Variants in LRRTM4 observed in about 807,000 individuals in gnomAD.
LRRTM4 encodes the protein leucine rich repeat transmembrane neuronal 4, also known as leucine-rich repeat transmembrane neuronal protein 4.
LRRTM4 carries 25 observed loss-of-function variants against 47.6 expected under a neutral mutation model. That is an observed-to-expected ratio of 0.53 (90% CI 0.38 to 0.73). The LOEUF is 0.73. Among genes scored for constraint, LRRTM4 ranks in the 30% least tolerant of loss-of-function variants. LRRTM4 has a pLI of 0.00. For synonymous variants in LRRTM4, 311 were observed against 269.5 expected, an observed-to-expected ratio of 1.15 and a Z score of -1.51; for missense variants, 638 against 713.4, an observed-to-expected ratio of 0.89 and a Z score of 1.20.
At chr2:77,448,906 C>T (rs1421319907) in intron 3 of LRRTM4, among the ~76,000 whole-genome samples, 1 of 152,104 alleles carries the variant, frequency 6.6e-6, no homozygotes, top group Non-Finnish European at 1.5e-5. Context: ...TGGAAAGTGG[C>T]CAGTTTAAAC....
At chr2:77,366,729 C>G in intron 3 of LRRTM4, among the ~76,000 whole-genome samples, 1 of 151,726 alleles carries the variant, frequency 6.6e-6, no homozygotes, top group Admixed American at 6.6e-5. Flanking sequence ...ATTTGTTTAC[C>G]TCACACATTT....
At chr2:77,250,884 A>G (rs957467272) in intron 3 of LRRTM4, among the ~76,000 whole-genome samples, 22 of 152,170 alleles carry the variant, frequency 1.4e-4, no homozygotes, top group African/African-American at 5.3e-4. Flanking sequence ...AGGGCAGATC[A>G]CCTGAGGTGG....
At position 77,083,051 on chromosome 2, in the gene LRRTM4, A is replaced by G. The variant is rs189063153; in HGVS notation, c.1552-334135T>C. Among the ~76,000 whole-genome samples, 407 of 152,228 alleles carry G rather than the reference A, an allele frequency of 2.7e-3. 6 individuals are homozygous for G. The highest frequency in any genetic ancestry group is 8.5e-3 in the African/African-American group (353 of 41,560). ...TTAAATATATCAGTATACACTTCTG[A>G]TCTATATTAAAAACTGTATTCTTAT... is the stretch of plus-strand genomic sequence containing the variant. On this transcript the variant is annotated intron_variant, in intron 3 of 3. Transcript: ENST00000409884.
chr2:76,792,917 T>C (rs979179827), intron 3 of LRRTM4, among the ~76,000 whole-genome samples: 1 of 152,152 alleles, frequency 6.6e-6, no homozygotes, highest in Admixed American at 6.5e-5. Context: ...TCATATATTT[T>C]CCCTGGGTTT....
chr2:77,466,155 G>T (rs890379325), intron 3 of LRRTM4, among the ~76,000 whole-genome samples: 3 of 152,106 alleles, frequency 2.0e-5, no homozygotes, highest in Admixed American at 2.0e-4. Context: ...TCAGTTCTCG[G>T]CAGAGTTTCA....
intron 3 of LRRTM4, among the ~76,000 whole-genome samples, chr2:77,110,807 T>C (rs1671227967): frequency 6.6e-6 from 1 of 152,180 alleles, no homozygotes; most frequent in Admixed American, 6.5e-5. Context: ...GAATATAATT[T>C]TGTTGAAATA....
intron 3 of LRRTM4, among the ~76,000 whole-genome samples, chr2:77,132,886 G>A (rs1413635009): frequency 1.3e-5 from 2 of 152,170 alleles, no homozygotes; most frequent in Admixed American, 6.5e-5. Context: ...AGAAGAAGGA[G>A]TAGGTGTAGA....
At chr2:76,961,270 C>G (rs555548923) in intron 3 of LRRTM4, among the ~76,000 whole-genome samples, 68 of 151,312 alleles carry the variant, frequency 4.5e-4, no homozygotes, top group Non-Finnish European at 7.1e-4. Flanking sequence ...GAGATGCTGT[C>G]AAAACATGAA....
intron 3 of LRRTM4, among the ~76,000 whole-genome samples, chr2:76,894,879 GTA>G (rs1481590852): frequency 1.3e-5 from 2 of 150,900 alleles, no homozygotes; most frequent in Non-Finnish European, 3.0e-5. Context: ...TATTTACAAT[GTA>G]TAGTCTCATA....
In LRRTM4 at chr2:76,873,486, GTGTGTGTATATATA is replaced by G. The variant is rs940595290; in HGVS notation, c.1552-124584_1552-124571del. 1.9e-4 allele frequency among the ~76,000 whole-genome samples: 24 copies of G among 125,662 alleles called. No individual in the cohort carries two copies. The East Asian group carries it at 4.3e-3, about 23-fold the overall frequency. The allele number at this position is 125,662 out of a possible 152,430, so 82.4% of individuals were successfully genotyped here. The stretch of plus-strand genomic sequence containing the variant: ...CGTGTGTGTGTGTATATATATATGT[GTGTGTGTATATATA>G]TGTGTGTATATATATATATATATAT... On this transcript the variant is annotated intron_variant, in intron 3 of 3. Transcript: ENST00000409884.
chr2:76,840,462 A>G (rs976392135), intron 3 of LRRTM4, among the ~76,000 whole-genome samples: 2 of 152,220 alleles, frequency 1.3e-5, no homozygotes, highest in African/African-American at 4.8e-5. Flanking sequence ...AAAGTCAGCA[A>G]TCATCTGACA....
intron 3 of LRRTM4, among the ~76,000 whole-genome samples, chr2:76,922,231 T>C (rs1674454420): frequency 6.6e-6 from 1 of 152,092 alleles, no homozygotes; most frequent in African/African-American, 2.4e-5. Flanking sequence ...GACTGGGTTA[T>C]TTATGAAGAA....
chr2:77,396,928 T>C (rs947675151), intron 3 of LRRTM4, among the ~76,000 whole-genome samples: 5 of 151,920 alleles, frequency 3.3e-5, no homozygotes, highest in Non-Finnish European at 5.9e-5. Context: ...ATTTTACCCA[T>C]GGATAAATCA....
chr2:77,129,905 G>T (rs1057368064), intron 3 of LRRTM4, among the ~76,000 whole-genome samples: 2 of 149,626 alleles, frequency 1.3e-5, no homozygotes, highest in Non-Finnish European at 3.0e-5. Context: ...GGGCTCATTA[G>T]TTCTTCATAT....
At chr2:77,007,286 G>A (rs990928603) in intron 3 of LRRTM4, among the ~76,000 whole-genome samples, 2 of 152,030 alleles carry the variant, frequency 1.3e-5, no homozygotes, top group East Asian at 1.9e-4. Flanking sequence ...AGTAAAAAGA[G>A]GAAGCAATCA....
At chr2:76,992,663 T>C (rs537228562) in intron 3 of LRRTM4, among the ~76,000 whole-genome samples, 33 of 151,686 alleles carry the variant, frequency 2.2e-4, no homozygotes, top group Middle Eastern at 3.4e-3. Context: ...TGTTCATGGA[T>C]TGGAAGAATC....
intron 3 of LRRTM4, among the ~76,000 whole-genome samples, chr2:76,883,355 CAATT>C (rs960320965): frequency 1.1e-4 from 16 of 152,216 alleles, no homozygotes; most frequent in Non-Finnish European, 1.9e-4. Flanking sequence ...AGTAAATGCC[CAATT>C]AATGTTTATT....
chr2:77,203,673 G>A (rs1217769829), intron 3 of LRRTM4, among the ~76,000 whole-genome samples: 1 of 152,174 alleles, frequency 6.6e-6, no homozygotes, highest in African/African-American at 2.4e-5. Context: ...TTTAAGCTCT[G>A]GAGAGTGTAT....
chr2:77,487,677 C>T (rs1447233246), intron 3 of LRRTM4, among the ~76,000 whole-genome samples: 1 of 152,132 alleles, frequency 6.6e-6, no homozygotes, highest in Non-Finnish European at 1.5e-5. Context: ...GCCGAAGCCC[C>T]ACCTTCAGGC....
Sources: allele counts gnomAD v4.1 joint callset (sites outside exome capture counted in the v4.1 genomes callset), GRCh38; gene constraint gnomAD v4.1.1; transcripts MANE v1.5; gene names NCBI Gene and HGNC (gene_info 2026-07-23, HGNC 2026-07-21).